VAV2: variants seen among roughly 807,000 people sequenced by gnomAD.
The protein encoded by VAV2 is guanine nucleotide exchange factor VAV2.
A neutral mutation model predicts 132.5 loss-of-function variants in VAV2; 67 were observed. The observed-to-expected ratio is 0.51, with a 90% CI of 0.42 to 0.62. The LOEUF (loss-of-function observed/expected upper bound fraction) is 0.62, where lower values mean the gene tolerates loss of function less well. VAV2 is among the 20% of genes least tolerant of loss of function. VAV2 has a pLI of 0.00. For synonymous variants in VAV2, 492 were observed against 443.5 expected (o/e 1.11, Z -1.37); for missense variants, 938 against 1,153.6 (o/e 0.81, Z 2.71).
chr9:133,820,327 T>C (rs1250578000), intron 4 of VAV2, among the ~76,000 whole-genome samples: 2 of 134,574 alleles, frequency 1.5e-5, no homozygotes, highest in South Asian at 2.3e-4. Context: ...CTTTTTCTTT[T>C]TCTTTTTTTT....
chr9:133,769,394 C>G lies in VAV2; in HGVS notation c.2434+23G>C. ...GCAGCTGCCACAGGCCCGGTCCCCC[C>G]ACGCCCTGGGGAGCAGCGGTACCTG... On this transcript the variant is annotated intron_variant, in intron 28 of 29. Transcript: ENST00000371850. This position sits in a 1 kb window ranked among gnomAD's most constrained non-coding sequence, Gnocchi z 8.1. 6.2e-7 allele frequency: 1 copy of G among 1,600,330 alleles called. No homozygotes were observed. Among genetic ancestry groups the G allele is most frequent in the Non-Finnish European group, 8.5e-7 (1 of 1,174,040 alleles).
At position 133,889,347 on chromosome 9, in the gene VAV2, G is replaced by A. The variant is rs561148199; in HGVS notation, c.322-27915C>T. On this transcript the variant is annotated intron_variant, in intron 2 of 29. Coordinates refer to ENST00000371850, the MANE Select transcript of VAV2 (RefSeq NM_001134398.2). Reference sequence around the variant, plus strand: ...TGTGGGAGACAGCATGCCCACTCTGGGTGCTAGCTGCTGGCTTTCTAGACT... The same window carrying A: ...TGTGGGAGACAGCATGCCCACTCTGAGTGCTAGCTGCTGGCTTTCTAGACT... Among the ~76,000 whole-genome samples the A allele has an allele frequency of 9.2e-5, 14 of 152,298 alleles. No individual in the cohort carries two copies. The South Asian group carries it at 2.9e-3, about 32-fold the overall frequency.
At chr9:133,812,262 C>A in intron 4 of VAV2, 46 bp from the exon 5 acceptor site, 1 of 1,586,586 alleles carries the variant, frequency 6.3e-7, no homozygotes. Flanking sequence ...GCTCCCGCCA[C>A]CCTGACCGGG....
chr9:133,885,674 G>A lies in VAV2; in HGVS notation c.322-24242C>T, dbSNP rs1392098797. Among the ~76,000 whole-genome samples the A allele has an allele frequency of 6.6e-6, 1 of 152,182 alleles. No homozygotes were observed. The highest frequency in any genetic ancestry group is 1.5e-5 in the Non-Finnish European group (1 of 68,032). Reference sequence around the variant, plus strand: ...CCTCCAATTTCCATCTAACAGCTCTGAAATGACTGGACTCTGCATCTGGCC... The same window carrying A: ...CCTCCAATTTCCATCTAACAGCTCTAAAATGACTGGACTCTGCATCTGGCC... On this transcript the variant is annotated intron_variant, in intron 2 of 29. Coordinates refer to ENST00000371850, the MANE Select transcript of VAV2 (RefSeq NM_001134398.2). The surrounding 1 kb of genome is among the most constrained non-coding windows in gnomAD (Gnocchi z 5.0).
chr9:133,859,164 G>A (rs1168551484), intron 3 of VAV2, among the ~76,000 whole-genome samples: 2 of 152,206 alleles, frequency 1.3e-5, no homozygotes, highest in Non-Finnish European at 1.5e-5. Context: ...TCAATCAGCA[G>A]GACACACATG....
intron 1 of VAV2, among the ~76,000 whole-genome samples, chr9:133,941,616 G>T (rs867319456): frequency 1.3e-5 from 2 of 149,384 alleles, no homozygotes; most frequent in African/African-American, 4.9e-5. Context: ...TTTGGGGGGG[G>T]GGGGGGACGG....
At chr9:133,836,951 T>C (rs1290132953) in intron 3 of VAV2, among the ~76,000 whole-genome samples, 1 of 152,116 alleles carries the variant, frequency 6.6e-6, no homozygotes, top group Non-Finnish European at 1.5e-5. Flanking sequence ...CCTCCATCAG[T>C]CCTGGGACTC....
At position 133,935,687 on chromosome 9, in the gene VAV2, GC is replaced by G. The variant is rs567304271; in HGVS notation, c.321+3415del. ...CCGTGGTGAACGTCCCAGCTCCCCAGCCTCCGCTGGCCCCAGGCCAGACTCC... is the reference window on the plus strand; with the variant it reads ...CCGTGGTGAACGTCCCAGCTCCCCAGCTCCGCTGGCCCCAGGCCAGACTCC... On this transcript the variant is annotated intron_variant, in intron 2 of 29. Coordinates refer to ENST00000371850, the MANE Select transcript of VAV2 (RefSeq NM_001134398.2). The surrounding 1 kb of genome is among the most constrained non-coding windows in gnomAD (Gnocchi z 5.2). Among the ~76,000 whole-genome samples the G allele has an allele frequency of 8.5e-5, 13 of 152,372 alleles. No individual in the cohort carries two copies. In the South Asian group the frequency reaches 2.5e-3, roughly 29 times the overall value.
Position 133,788,239 on chromosome 9 carries a change from C to A in VAV2, c.1407+115G>T, listed in dbSNP as rs904364938. On this transcript the variant is annotated intron_variant, in intron 15 of 29. Transcript: ENST00000371850. The surrounding 1 kb of genome is among the most constrained non-coding windows in gnomAD (Gnocchi z 5.3). ...GCGGAGACGCCCACCCCAACCCACC[C>A]GGCCAGCATCAGCGGCTGACTTCGA... The A allele has an allele frequency of 5.8e-6, 7 of 1,204,822 alleles. 1 individual carries two copies. Among genetic ancestry groups the A allele is most frequent in the South Asian group, 1.4e-5 (1 of 71,896 alleles). 74.6% of individuals were successfully genotyped at this position (1,204,822 alleles called of 1,614,324 possible).
At chr9:133,776,610 G>A (rs1348441818) in intron 23 of VAV2, among the ~76,000 whole-genome samples, 1 of 152,162 alleles carries the variant, frequency 6.6e-6, no homozygotes, top group Admixed American at 6.5e-5. Flanking sequence ...TGGGGAAACT[G>A]AGGCCTGGGG....
intron 3 of VAV2, among the ~76,000 whole-genome samples, chr9:133,846,115 T>G (rs1836925105): frequency 6.6e-6 from 1 of 152,090 alleles, no homozygotes; most frequent in Admixed American, 6.5e-5. Context: ...CAAGATGGGG[T>G]TCCGTCTCCA....
At chr9:133,787,068 G>C (rs1469695367) in intron 16 of VAV2, among the ~76,000 whole-genome samples, 178 bp downstream of exon 16, 1 of 152,190 alleles carries the variant, frequency 6.6e-6, no homozygotes, top group Non-Finnish European at 1.5e-5. Flanking sequence ...TAGCGGGCAA[G>C]CCTTTCATCA....
In VAV2 at chr9:133,788,819, C is replaced by T. The variant is rs539785640; in HGVS notation, c.1275-333G>A. Reference sequence around the variant, plus strand: ...GTTGATCCCGCGCTGGACTGGGAGCCTCAAGAGGGTGGGACCCAGATCTGC... The same window carrying T: ...GTTGATCCCGCGCTGGACTGGGAGCTTCAAGAGGGTGGGACCCAGATCTGC... On this transcript the variant is annotated intron_variant, in intron 14 of 29. Coordinates refer to ENST00000371850, the MANE Select transcript of VAV2 (RefSeq NM_001134398.2). The surrounding 1 kb of genome is among the most constrained non-coding windows in gnomAD (Gnocchi z 5.3). 5.4e-4 allele frequency among the ~76,000 whole-genome samples: 83 copies of T among 152,338 alleles called. 1 individual carries two copies. The Middle Eastern group carries it at 0.01, about 19-fold the overall frequency.
chr9:133,873,138 G>A (rs1251512141), intron 2 of VAV2, among the ~76,000 whole-genome samples: 1 of 151,752 alleles, frequency 6.6e-6, no homozygotes, highest in East Asian at 1.9e-4. Flanking sequence ...AAGGAAGACA[G>A]GAAAACACAC....
chr9:133,979,828 G>A (rs553211811), intron 1 of VAV2, among the ~76,000 whole-genome samples: 231 of 152,328 alleles, frequency 1.5e-3, no homozygotes, highest in Non-Finnish European at 2.4e-3. Flanking sequence ...CGCCAGCTGC[G>A]CACCCCACCG....
At chr9:133,986,980 C>A (rs1226862176) in intron 1 of VAV2, among the ~76,000 whole-genome samples, 1 of 151,490 alleles carries the variant, frequency 6.6e-6, no homozygotes, top group African/African-American at 2.4e-5. Flanking sequence ...GCGTGGCACA[C>A]AGCAGGGTTT....
At position 133,788,235 on chromosome 9, in the gene VAV2, C is replaced by CCCCCCGCCCCCCA; in HGVS notation, c.1407+118_1407+119insTGGGGGGCGGGGG. On this transcript the variant is annotated intron_variant, in intron 15 of 29. Coordinates refer to ENST00000371850, the MANE Select transcript of VAV2 (RefSeq NM_001134398.2). The surrounding 1 kb of genome is among the most constrained non-coding windows in gnomAD (Gnocchi z 5.3). ...CAGAGCGGAGACGCCCACCCCAACC[C>CCCCCCGCCCCCCA]ACCCGGCCAGCATCAGCGGCTGACT... The CCCCCCGCCCCCCA allele has an allele frequency of 1.0e-6, 1 of 998,868 alleles. No individual in the cohort carries two copies. The highest frequency in any genetic ancestry group is 1.5e-6 in the Non-Finnish European group (1 of 680,468). 61.9% of individuals were successfully genotyped at this position (998,868 alleles called of 1,614,324 possible). A position where few individuals can be genotyped will look rare whatever the true frequency, so the allele number is the denominator to read the frequency against.
chr9:133,798,260 A>T (rs1277037524), intron 9 of VAV2, among the ~76,000 whole-genome samples: 1 of 152,190 alleles, frequency 6.6e-6, no homozygotes, highest in African/African-American at 2.4e-5. Flanking sequence ...ATGCTGTGCC[A>T]GGTGGGGAAC....
rs1047371604 is a variant in VAV2 at position 133,804,538 on chromosome 9, C to T, written c.836+1543G>A. 8.9e-4 allele frequency among the ~76,000 whole-genome samples: 136 copies of T among 152,350 alleles called. No individual in the cohort carries two copies. Among genetic ancestry groups the T allele is most frequent in the African/African-American group, 3.1e-3 (130 of 41,586 alleles). ...GGCTCCTGGGAGAGGACAGGTTATC[C>T]ACCCTGTCACTCTACCACACAGCCA... On this transcript the variant is annotated intron_variant, in intron 9 of 29. Coordinates refer to ENST00000371850, the MANE Select transcript of VAV2 (RefSeq NM_001134398.2). This position sits in a 1 kb window ranked among gnomAD's most constrained non-coding sequence, Gnocchi z 4.5.
Sources: allele counts gnomAD v4.1 joint callset (sites outside exome capture counted in the v4.1 genomes callset), GRCh38; gene constraint gnomAD v4.1.1; non-coding constraint Gnocchi (gnomAD v3.1); transcripts MANE v1.5; gene names NCBI Gene and HGNC (gene_info 2026-07-23, HGNC 2026-07-21).